DCT: variants seen among roughly 807,000 people sequenced by gnomAD.
The protein encoded by DCT is dopachrome tautomerase.
Under a neutral mutation model 53.0 loss-of-function variants are expected in DCT, and 47 were observed. The observed-to-expected ratio is 0.89, with a 90% confidence interval of 0.70 to 1.13. The LOEUF is 1.13. Ranked by LOEUF, DCT falls within the 50% of genes most tolerant of loss-of-function variation. The pLI is 0.00. For missense variants in DCT, 669 were observed against 637.4 expected, an observed-to-expected ratio of 1.05 and a Z score of -0.53; for synonymous variants, 244 against 237.0, an observed-to-expected ratio of 1.03 and a Z score of -0.27.
intron 6 of DCT, among the ~76,000 whole-genome samples, chr13:94,445,121 G>A (rs1413620566): frequency 6.6e-6 from 1 of 152,156 alleles, no homozygotes; most frequent in Non-Finnish European, 1.5e-5. Flanking sequence ...ACAGTGTCTA[G>A]GGATATACAA....
chr13:94,456,225 A>G (rs1220126706), intron 6 of DCT, among the ~76,000 whole-genome samples: 1 of 152,140 alleles, frequency 6.6e-6, no homozygotes, highest in Non-Finnish European at 1.5e-5. Flanking sequence ...GGAAAGAAAC[A>G]TTTTTTAGAA....
chr13:94,494,369 G>C, the DCT span, among the ~76,000 whole-genome samples: 1 of 152,082 alleles, frequency 6.6e-6, no homozygotes, highest in Non-Finnish European at 1.5e-5. Context: ...GTCTATTTTA[G>C]GTGTAATCAG....
At chr13:94,441,337 T>G (rs78260797) in intron 7 of DCT, among the ~76,000 whole-genome samples, 1 of 152,348 alleles carries the variant, frequency 6.6e-6, no homozygotes, top group East Asian at 1.9e-4. Flanking sequence ...TTTAAAAAAT[T>G]ATGTTTTAGA....
chr13:94,513,987 C>CAAAAAA, the DCT span, among the ~76,000 whole-genome samples: 55 of 53,178 alleles, frequency 1.0e-3, 2 homozygotes, highest in African/African-American at 3.2e-3. Context: ...AACTCTGTCT[C>CAAAAAA]AAAAAAAAAA....
At chr13:94,497,227 G>A in the DCT span, among the ~76,000 whole-genome samples, 1 of 152,188 alleles carries the variant, frequency 6.6e-6, no homozygotes, top group Non-Finnish European at 1.5e-5. Context: ...CCCCTGAGCA[G>A]GAGGGAGTTC....
chr13:94,445,863 C>G, intron 6 of DCT: 1 of 762,590 alleles, frequency 1.3e-6, no homozygotes, highest in Non-Finnish European at 2.2e-6. Context: ...TGGCCCATTC[C>G]TGGAGGCAGG....
At chr13:94,515,776 G>T in the DCT span, among the ~76,000 whole-genome samples, 33 of 151,956 alleles carry the variant, frequency 2.2e-4, no homozygotes, top group African/African-American at 6.0e-4. Flanking sequence ...ACTGCCTACA[G>T]CACTGTAACA....
At chr13:94,497,867 G>T in the DCT span, among the ~76,000 whole-genome samples, 1 of 124,910 alleles carries the variant, frequency 8.0e-6, no homozygotes, top group African/African-American at 3.1e-5. Context: ...TTGTTCAGGG[G>T]TCACCTATAT....
the DCT span, among the ~76,000 whole-genome samples, chr13:94,490,265 G>A: frequency 1.3e-5 from 2 of 152,074 alleles, no homozygotes; most frequent in African/African-American, 4.8e-5. Context: ...AGCACTTTGG[G>A]AGGCTGAGGT....
Position 94,479,396 on chromosome 13 carries a change from A to T in DCT, c.-141T>A. On this transcript the variant is annotated 5_prime_UTR_variant, in exon 1 of 8. Coordinates refer to ENST00000377028, the MANE Select transcript of DCT (RefSeq NM_001922.5). ...GCTTTCTATTCCTTTCTTCTTAAAA[A>T]AATACCCACAAGAATCACAGAGGTT... is the stretch of plus-strand genomic sequence containing the variant. 2 of 799,412 alleles carry T rather than the reference A, an allele frequency of 2.5e-6. No homozygotes were observed. The allele number at this position is 799,412 out of a possible 1,614,324, so 49.5% of individuals were successfully genotyped here. A position where few individuals can be genotyped will look rare whatever the true frequency, so the allele number is the denominator to read the frequency against.
At chr13:94,531,062 ACCTGGGAAT>A in the DCT span, among the ~76,000 whole-genome samples, 1 of 152,186 alleles carries the variant, frequency 6.6e-6, no homozygotes, top group African/African-American at 2.4e-5. Flanking sequence ...AGAATAAAAT[ACCTGGGAAT>A]CCAACTTACA....
upstream of DCT, among the ~76,000 whole-genome samples, chr13:94,480,154 C>A (rs953373558): frequency 2.0e-5 from 3 of 152,220 alleles, no homozygotes; most frequent in Admixed American, 2.0e-4. Context: ...TAATAACTTA[C>A]TCTTCTCCTA....
At chr13:94,543,718 CCTTTT>C in the DCT span, among the ~76,000 whole-genome samples, 8 of 152,234 alleles carry the variant, frequency 5.3e-5, no homozygotes, top group East Asian at 1.9e-4. Flanking sequence ...TTAATCCTTT[CCTTTT>C]AAGTTGAGTT....
At chr13:94,528,558 A>G in the DCT span, among the ~76,000 whole-genome samples, 1 of 152,230 alleles carries the variant, frequency 6.6e-6, no homozygotes, top group East Asian at 1.9e-4. Flanking sequence ...TAAGTGAAGG[A>G]GAAATAAAAT....
the DCT span, among the ~76,000 whole-genome samples, chr13:94,506,830 G>A: frequency 6.6e-6 from 1 of 152,172 alleles, no homozygotes; most frequent in Admixed American, 6.5e-5. Context: ...TCAATATCAT[G>A]TACATCCTGT....
chr13:94,461,921 A>C, intron 5 of DCT, 89 bp downstream of exon 5: 1 of 1,208,324 alleles, frequency 8.3e-7, no homozygotes, highest in Non-Finnish European at 1.1e-6. Context: ...GACAACCCCC[A>C]AAACCTGGGT....
At chr13:94,445,354 G>T (rs1428061060) in intron 6 of DCT, among the ~76,000 whole-genome samples, 2 of 152,152 alleles carry the variant, frequency 1.3e-5, no homozygotes, top group East Asian at 3.9e-4. Flanking sequence ...TTGTGCCTGA[G>T]CCCTGAACCA....
At chr13:94,454,040 G>C (rs1381167785) in intron 6 of DCT, among the ~76,000 whole-genome samples, 1 of 152,116 alleles carries the variant, frequency 6.6e-6, no homozygotes, top group Non-Finnish European at 1.5e-5. Flanking sequence ...ACTCAGAAGG[G>C]CTCTTTCTTA....
At chr13:94,444,370 A>G in intron 6 of DCT, 1 of 515,758 alleles carries the variant, frequency 1.9e-6, no homozygotes, top group South Asian at 1.4e-5. Flanking sequence ...CACCAGGAAT[A>G]CTCTTCTGTC....
Sources: allele counts gnomAD v4.1 joint callset (sites outside exome capture counted in the v4.1 genomes callset), GRCh38; gene constraint gnomAD v4.1.1; transcripts MANE v1.5; gene names NCBI Gene and HGNC (gene_info 2026-07-23, HGNC 2026-07-21).